Variants in MYH11 observed in about 807,000 individuals in gnomAD.
MYH11 encodes the protein myosin heavy chain 11, also known as myosin-11.
In MYH11, 80 loss-of-function variants were observed where a neutral mutation model predicts 246.6. The observed-to-expected ratio is 0.32, with a 90% confidence interval of 0.27 to 0.39. The LOEUF is 0.39. Ranked by LOEUF, MYH11 falls within the 10% of genes least tolerant of loss-of-function variation. The pLI is 1.00. For missense variants in MYH11, 2,158 were observed against 2,546.8 expected, an observed-to-expected ratio of 0.85 and a Z score of 3.29; for synonymous variants, 1,071 against 1,015.5, an observed-to-expected ratio of 1.05 and a Z score of -1.04.
chr16:15,795,544 G>A (rs1277413164), intron 4 of MYH11, among the ~76,000 whole-genome samples: 2 of 152,324 alleles, frequency 1.3e-5, no homozygotes, highest in South Asian at 4.1e-4. Context: ...CTGGGAGGTG[G>A]AGGTTGCTGT....
At chr16:15,765,442 T>C (rs2041961728) in intron 9 of MYH11, among the ~76,000 whole-genome samples, 1 of 151,756 alleles carries the variant, frequency 6.6e-6, no homozygotes, top group Admixed American at 6.6e-5. Flanking sequence ...GGATGGATGA[T>C]GGATGGATGA....
At chr16:15,840,268 C>T (rs1165409109) in intron 1 of MYH11, among the ~76,000 whole-genome samples, 1 of 152,096 alleles carries the variant, frequency 6.6e-6, no homozygotes, top group Non-Finnish European at 1.5e-5. Flanking sequence ...TAAAATATTA[C>T]ATCGTTTCCA....
At chr16:15,814,140 C>CAA (rs752834891) in intron 3 of MYH11, among the ~76,000 whole-genome samples, 1 of 104,052 alleles carries the variant, frequency 9.6e-6, no homozygotes. Context: ...CTCCATCCCC[C>CAA]AAAAAAAAAC....
At chr16:15,779,279 C>T (rs2042293961) in intron 6 of MYH11, 1 of 293,990 alleles carries the variant, frequency 3.4e-6, no homozygotes, top group Non-Finnish European at 6.6e-6. Flanking sequence ...GCTAGGACTA[C>T]AGGCATGCAC....
At chr16:15,767,788 T>A (rs964068877) in intron 9 of MYH11, among the ~76,000 whole-genome samples, 1 of 151,874 alleles carries the variant, frequency 6.6e-6, no homozygotes, top group Non-Finnish European at 1.5e-5. Flanking sequence ...ACATGAAGGA[T>A]GAGGCAGAGA....
intron 3 of MYH11, among the ~76,000 whole-genome samples, chr16:15,816,166 G>A (rs2151347550): frequency 6.6e-6 from 1 of 152,190 alleles, no homozygotes. Context: ...ATGAAAACTG[G>A]GAAACAAGGA....
At chr16:15,754,643 G>A (rs77528179) in intron 14 of MYH11, among the ~76,000 whole-genome samples, 2,401 of 152,254 alleles carry the variant, frequency 0.016, 68 homozygotes, top group African/African-American at 0.054. Flanking sequence ...GGCTTGGCAA[G>A]TCATACAATG....
At chr16:15,811,785 A>C (rs16967404) in intron 3 of MYH11, among the ~76,000 whole-genome samples, 9,629 of 152,176 alleles carry the variant, frequency 0.063, 356 homozygotes, top group South Asian at 0.12. Flanking sequence ...GAATTAGCCA[A>C]GAGCCCCAAG....
intron 9 of MYH11, among the ~76,000 whole-genome samples, chr16:15,770,002 G>C (rs963661510): frequency 6.6e-6 from 1 of 152,168 alleles, no homozygotes; most frequent in Non-Finnish European, 1.5e-5. Flanking sequence ...ATACTGAACA[G>C]TGTAGTACAT....
chr16:15,837,841 A>G (rs1418079485), intron 2 of MYH11, 67 bp downstream of exon 2: 2 of 1,455,730 alleles, frequency 1.4e-6, no homozygotes, highest in Admixed American at 3.4e-5. Flanking sequence ...AGCCCTCCCA[A>G]CACATTTCTA....
intron 38 of MYH11, among the ~76,000 whole-genome samples, chr16:15,716,516 T>G (rs930476985): frequency 3.1e-4 from 47 of 151,026 alleles, no homozygotes; most frequent in Admixed American, 1.3e-3. Context: ...TTTTTTGGGG[T>G]TTTTTTTGTG....
intron 4 of MYH11, 23 bp downstream of exon 4, chr16:15,798,637 G>GA: frequency 7.6e-7 from 1 of 1,319,668 alleles, no homozygotes; most frequent in Non-Finnish European, 1.0e-6. Context: ...AAAAAAAACA[G>GA]AAGAAAAAGC....
chr16:15,757,103 C>A (rs1482621364), intron 13 of MYH11, among the ~76,000 whole-genome samples: 4 of 151,946 alleles, frequency 2.6e-5, no homozygotes, highest in Non-Finnish European at 1.5e-5. Flanking sequence ...CGGCCGAGTT[C>A]ATAATTCTTG....
chr16:15,842,742 C>G (rs1032093608), intron 1 of MYH11, among the ~76,000 whole-genome samples: 5 of 104,370 alleles, frequency 4.8e-5, no homozygotes, highest in African/African-American at 1.9e-4. Flanking sequence ...CTGGCCCAGG[C>G]AACAGAGCAA....
intron 26 of MYH11, among the ~76,000 whole-genome samples, chr16:15,734,996 A>C (rs1025365830): frequency 1.3e-5 from 2 of 152,032 alleles, no homozygotes; most frequent in African/African-American, 4.8e-5. Context: ...CCTGGGCAAC[A>C]TGGCAAAACT....
chr16:15,741,335 C>A (rs187817781), intron 22 of MYH11, 128 bp downstream of exon 22: 28 of 1,078,222 alleles, frequency 2.6e-5, no homozygotes, highest in Middle Eastern at 5.8e-4. Flanking sequence ...AGATGACCAA[C>A]CCTCTCCAAG....
chr16:15,843,078 G>A (rs1473351742), intron 1 of MYH11, among the ~76,000 whole-genome samples: 2 of 152,076 alleles, frequency 1.3e-5, no homozygotes, highest in Non-Finnish European at 2.9e-5. Flanking sequence ...AAAGCTAATA[G>A]TGGGTCTCAA....
intron 36 of MYH11, 68 bp downstream of exon 36, chr16:15,719,152 G>C: frequency 6.8e-7 from 1 of 1,462,792 alleles, no homozygotes; most frequent in Non-Finnish European, 9.5e-7. Flanking sequence ...AATAAAATGG[G>C]GGTCGAGGAT....
chr16:15,842,516 C>G (rs988116651), intron 1 of MYH11, among the ~76,000 whole-genome samples: 1 of 151,760 alleles, frequency 6.6e-6, no homozygotes, highest in Non-Finnish European at 1.5e-5. Context: ...AATCCTAGCA[C>G]TTTGTTGGGG....
Sources: allele counts gnomAD v4.1 joint callset (sites outside exome capture counted in the v4.1 genomes callset), GRCh38; gene constraint gnomAD v4.1.1; transcripts MANE v1.5; gene names NCBI Gene and HGNC (gene_info 2026-07-23, HGNC 2026-07-21).